DCTN1: variants seen among roughly 807,000 people sequenced by gnomAD.
DCTN1 encodes the protein 150 kDa dynein-associated polypeptide.
DCTN1 carries 61 observed loss-of-function variants against 161.2 expected under a neutral mutation model. That is an observed-to-expected ratio of 0.38 (90% CI 0.31 to 0.47). DCTN1 has a LOEUF of 0.47. Among genes scored for constraint, DCTN1 ranks in the 20% least tolerant of loss-of-function variants. The probability of loss-of-function intolerance (pLI) is 0.99; values close to 1 mark genes in which losing one functional copy is unlikely to be tolerated. For synonymous variants in DCTN1, 653 were observed against 632.4 expected, an observed-to-expected ratio of 1.03 and a Z score of -0.49; for missense variants, 1,404 against 1,623.7, an observed-to-expected ratio of 0.86 and a Z score of 2.33.
intron 3 of DCTN1, 49 bp from the exon 4 acceptor site, chr2:74,377,515 G>C: frequency 6.4e-7 from 1 of 1,568,296 alleles, no homozygotes. Context: ...AGAGAGGTAG[G>C]GGGAGATATA....
At position 74,366,370 on chromosome 2, in the gene DCTN1, A is replaced by G. The variant is rs1297186180; in HGVS notation, c.2634T>C (p.Tyr878=). The G allele has an allele frequency of 6.2e-7, 1 of 1,614,152 alleles. No homozygotes were observed. The highest frequency in any genetic ancestry group is 1.1e-5 in the South Asian group (1 of 91,084). The change falls in exon 23 of 32, where the codon TAT becomes TAC. Residue 878 remains tyrosine (Y), a synonymous_variant. Transcript: ENST00000628224. ...ELAFKASEQI[Y]GTPSSSPYEC... ...CATAGGGGCTGCTGGAGGGGGTCCC[A>G]TAGATCTGCAGGAGCCAAGGGCAGA...
At position 74,371,902 on chromosome 2, in the gene DCTN1, TAC is replaced by T. The variant is rs550786930; in HGVS notation, c.454-176_454-175del. 4.3e-4 allele frequency: 264 copies of T among 610,634 alleles called. No homozygotes were observed. The African/African-American group carries it at 4.4e-3, about 10-fold the overall frequency. 37.8% of individuals were successfully genotyped at this position (610,634 alleles called of 1,614,324 possible). A position where few individuals can be genotyped will look rare whatever the true frequency, so the allele number is the denominator to read the frequency against. On this transcript the variant is annotated intron_variant, in intron 7 of 31. Transcript: ENST00000628224. ...AGAATGAAGGGGACAAGGAAAATGA[TAC>T]AGAGAGGCAGAGAGAGATAGTGACA...
chr2:74,361,446 A>T lies in DCTN1; in HGVS notation c.*53T>A. 2 of 1,612,608 alleles carry T rather than the reference A, an allele frequency of 1.2e-6. No individual in the cohort carries two copies. The highest frequency in any genetic ancestry group is 1.7e-6 in the Non-Finnish European group (2 of 1,179,750). Reference sequence around the variant, plus strand: ...TGGCTGAGGTGGCTGTGCATCGGGCAGAGCGGCACCAGAGGGCTGAGGGTC... The same window carrying T: ...TGGCTGAGGTGGCTGTGCATCGGGCTGAGCGGCACCAGAGGGCTGAGGGTC... On this transcript the variant is annotated 3_prime_UTR_variant, in exon 32 of 32. Transcript: ENST00000628224.
At chr2:74,362,865 G>T in intron 29 of DCTN1, 129 bp downstream of exon 29, 1 of 1,330,466 alleles carries the variant, frequency 7.5e-7, no homozygotes, top group South Asian at 1.2e-5. Context: ...CAAACAAACT[G>T]AACAGTGAAG....
At chr2:74,367,304 C>T in intron 19 of DCTN1, 48 bp downstream of exon 19, 6 of 1,607,522 alleles carry the variant, frequency 3.7e-6, no homozygotes, top group Non-Finnish European at 5.1e-6. Context: ...CTGATGCCCT[C>T]CATTTCTGAT....
intron 1 of DCTN1, chr2:74,390,710 C>T (rs747154851): frequency 4.3e-5 from 18 of 421,468 alleles, no homozygotes; most frequent in Non-Finnish European, 8.5e-5. Flanking sequence ...GGGCCAGCAG[C>T]ATTAGCATCA....
In DCTN1 at chr2:74,363,100, A is replaced by G; in HGVS notation, c.3423T>C (p.Ser1141=). 1 of 1,613,838 alleles carries G rather than the reference A, an allele frequency of 6.2e-7. No homozygotes were observed. The highest frequency in any genetic ancestry group is 8.5e-7 in the Non-Finnish European group (1 of 1,179,842). The change falls in exon 29 of 32, where the codon AGT becomes AGC. Residue 1141 remains serine, a synonymous_variant. Coordinates refer to ENST00000628224, the MANE Select transcript of DCTN1 (RefSeq NM_004082.5). ...GATACAGCGCTCCAGCTGGTAACTC[A>G]CTGCCAGGGCCCTCATGGGATAGCT... ...VAKLSHEGPG[S]ELPAGALYRK... is the part of the protein sequence containing the mutation.
Position 74,363,186 on chromosome 2 carries a change from G to A in DCTN1, c.3346-9C>T. ...GCCTTCATCTGGGCTCCCTGTGGAT[G>A]AAAAAAGAAGGATAGTGGTAAGAGG... On this transcript the variant is annotated splice_polypyrimidine_tract_variant and intron_variant, in intron 28 of 31. Coordinates refer to ENST00000628224, the MANE Select transcript of DCTN1 (RefSeq NM_004082.5). 1.2e-6 allele frequency: 2 copies of A among 1,614,024 alleles called. No homozygotes were observed. Among genetic ancestry groups the A allele is most frequent in the East Asian group, 2.2e-5 (1 of 44,874 alleles).
In DCTN1 at chr2:74,367,671, C is replaced by G. The variant is rs200501975; in HGVS notation, c.2184+25G>C. The G allele has an allele frequency of 1.3e-4, 205 of 1,613,926 alleles. 1 individual carries two copies. The highest frequency in any genetic ancestry group is 1.7e-4 in the Non-Finnish European group (198 of 1,180,030). On this transcript the variant is annotated intron_variant, in intron 18 of 31. Coordinates refer to ENST00000628224, the MANE Select transcript of DCTN1 (RefSeq NM_004082.5). Reference sequence around the variant, plus strand: ...AGTGAAAGCTTCCCTGCCTCCTGCCCCAAGCCCAAATTCTTGCCCCACACC... The same window carrying G: ...AGTGAAAGCTTCCCTGCCTCCTGCCGCAAGCCCAAATTCTTGCCCCACACC...
At chr2:74,384,148 C>G (rs994504658), upstream of DCTN1, among the ~76,000 whole-genome samples, 2 of 152,218 alleles carry the variant, frequency 1.3e-5, no homozygotes, top group Admixed American at 6.5e-5. Flanking sequence ...GTTCTTAGGG[C>G]CTTCTCTGGG....
chr2:74,368,131 C>A lies in DCTN1; in HGVS notation c.1855G>T (p.Ala619Ser), dbSNP rs767823541. ...LLLMPRLICK[A>S]ELIRKQAQEK... Reference sequence around the variant, plus strand: ...TGGGCCTGCTTCCGGATCAGCTCTGCCTGTGGGAAAAAGCACCAGGAACCT... The same window carrying A: ...TGGGCCTGCTTCCGGATCAGCTCTGACTGTGGGAAAAAGCACCAGGAACCT... The change falls in exon 17 of 32, where the codon GCA (alanine) becomes TCA (serine). Residue 619 changes from alanine (A) to serine (S), a missense_variant and splice_region_variant. By Grantham distance (99) the Ala-to-Ser change is moderately conservative. Transcript: ENST00000628224. 1 of 1,581,832 alleles carries A rather than the reference C, an allele frequency of 6.3e-7. No individual in the cohort carries two copies. The highest frequency in any genetic ancestry group is 8.6e-7 in the Non-Finnish European group (1 of 1,163,148).
chr2:74,378,188 A>G lies in DCTN1; in HGVS notation c.91T>C (p.Ser31Pro), dbSNP rs1675335909. ...CCTTTTCCAATCACCTCTACACGGG[A>G]GCCCACCCGCAGAGGCCGGGCGCTT... ...EASARPLRVG[S>P]RVEVIGKGHR... Residue 31 changes from serine to proline, a missense_variant, in exon 2 of 32, where the codon TCC becomes CCC. By Grantham distance (74) the Ser-to-Pro change is moderately conservative. Around this residue, in one of 9 missense-constraint regions of DCTN1, gnomAD observed 53 missense variants for 54.4 expected, o/e 0.97. Transcript: ENST00000628224. 1 of 1,613,644 alleles carries G rather than the reference A, an allele frequency of 6.2e-7. No homozygotes were observed. The highest frequency in any genetic ancestry group is 8.5e-7 in the Non-Finnish European group (1 of 1,180,042).
rs980920477 is a variant in DCTN1 at position 74,363,005 on chromosome 2, C to T, written c.3518G>A (p.Arg1173His). 26 of 1,612,600 alleles carry T rather than the reference C, an allele frequency of 1.6e-5. No individual in the cohort carries two copies. Among genetic ancestry groups the T allele is most frequent in the African/African-American group, 1.5e-4 (11 of 74,852 alleles). ...TGGCAGGTACATACCAGGGCTGGTG[C>T]GAGTGATGTCTACTACGTGCGTGTG... Reference protein sequence around the residue: ...STHTHVVDITRTSPAAKSPSA... With the variant: ...STHTHVVDITHTSPAAKSPSA... Residue 1173 changes from arginine to histidine, a missense_variant, in exon 29 of 32, where the codon CGC becomes CAC. Arg to His is a conservative substitution (Grantham distance 29). This residue lies in a region of DCTN1 where 311 missense variants were observed against 298.9 expected (regional missense o/e 1.04). Coordinates refer to ENST00000628224, the MANE Select transcript of DCTN1 (RefSeq NM_004082.5).
intron 5 of DCTN1, among the ~76,000 whole-genome samples, chr2:74,374,890 C>T (rs1426360506): frequency 6.6e-6 from 1 of 152,164 alleles, no homozygotes; most frequent in Non-Finnish European, 1.5e-5. Context: ...CTCCAAAAAA[C>T]TGGGCCAGGG....
Position 74,369,772 on chromosome 2 carries a change from C to T in DCTN1, c.1392+193G>A, listed in dbSNP as rs143526948. Reference sequence around the variant, plus strand: ...AGGTTGCAGTGAGCCGAGATTATTGCGCCACTGCGCTCCAGCCTGGCAACA... The same window carrying T: ...AGGTTGCAGTGAGCCGAGATTATTGTGCCACTGCGCTCCAGCCTGGCAACA... On this transcript the variant is annotated intron_variant, in intron 13 of 31. Transcript: ENST00000628224. This position sits in a 1 kb window ranked among gnomAD's most constrained non-coding sequence, Gnocchi z 4.9. Among the ~76,000 whole-genome samples, 257 of 149,282 alleles carry T rather than the reference C, an allele frequency of 1.7e-3. 1 individual carries two copies. The highest frequency in any genetic ancestry group is 6.0e-3 in the African/African-American group (243 of 40,238).
At chr2:74,367,213 G>T in intron 19 of DCTN1, 106 bp from the exon 20 acceptor site, 1 of 1,532,826 alleles carries the variant, frequency 6.5e-7, no homozygotes, top group Non-Finnish European at 9.0e-7. Flanking sequence ...TACATAAGTA[G>T]GTCCTCTAGT....
intron 21 of DCTN1, 77 bp from the exon 22 acceptor site, chr2:74,366,697 TC>T: frequency 1.2e-6 from 2 of 1,614,136 alleles, no homozygotes; most frequent in Non-Finnish European, 1.7e-6. Flanking sequence ...ACCATTTTTG[TC>T]CCCTAACCAG....
At position 74,366,498 on chromosome 2, in the gene DCTN1, C is replaced by T. The variant is rs1573151957; in HGVS notation, c.2589G>A (p.Val863=). Reference sequence around the variant, plus strand: ...TGAAAGCCAGTTCCTCCAGAGCAGCCACAAGTAGCCCCTCATTCTCTGCCA... The same window carrying T: ...TGAAAGCCAGTTCCTCCAGAGCAGCTACAAGTAGCCCCTCATTCTCTGCCA... ...APLAENEGLL[V]AALEELAFKA... is the part of the protein sequence containing the mutation. The change falls in exon 22 of 32, where the codon GTG becomes GTA. Residue 863 remains valine (V), a synonymous_variant. Transcript: ENST00000628224. 2 of 1,614,208 alleles carry T rather than the reference C, an allele frequency of 1.2e-6. No homozygotes were observed. The highest frequency in any genetic ancestry group is 2.2e-5 in the South Asian group (2 of 91,084).
chr2:74,372,360 C>T (rs1037751376), intron 7 of DCTN1, among the ~76,000 whole-genome samples: 12 of 152,216 alleles, frequency 7.9e-5, no homozygotes, highest in East Asian at 3.8e-4. Context: ...AACAACTCTT[C>T]GTCATCTCCC....
Sources: allele counts gnomAD v4.1 joint callset (sites outside exome capture counted in the v4.1 genomes callset), GRCh38; gene constraint gnomAD v4.1.1; regional missense constraint gnomAD v4.1.1; non-coding constraint Gnocchi (gnomAD v3.1); transcripts MANE v1.5; gene names NCBI Gene and HGNC (gene_info 2026-07-23, HGNC 2026-07-21).